TRAPPC9: variants seen among roughly 807,000 people sequenced by gnomAD.
TRAPPC9 encodes trafficking protein particle complex subunit 9, also known as IKK2 binding protein.
In TRAPPC9, 83 loss-of-function variants were observed where a neutral mutation model predicts 124.0. The observed-to-expected ratio is 0.67, with a 90% confidence interval of 0.56 to 0.80. TRAPPC9 has a LOEUF of 0.80. Among genes scored for constraint, TRAPPC9 ranks in the 30% least tolerant of loss-of-function variants. The pLI is 0.00. For synonymous variants in TRAPPC9, 638 were observed against 617.5 expected (o/e 1.03, Z -0.49); for missense variants, 1,302 against 1,508.3 (o/e 0.86, Z 2.27).
intron 21 of TRAPPC9, among the ~76,000 whole-genome samples, chr8:139,845,122 G>A (rs993497175): frequency 3.9e-5 from 6 of 152,222 alleles, no homozygotes; most frequent in Non-Finnish European, 7.3e-5. Flanking sequence ...GGATGATGTC[G>A]CCTTTAAGGA....
At chr8:140,321,670 C>T (rs545241437) in intron 9 of TRAPPC9, among the ~76,000 whole-genome samples, 71 of 152,332 alleles carry the variant, frequency 4.7e-4, no homozygotes, top group Non-Finnish European at 8.4e-4. Context: ...TTGGAAGACA[C>T]TTTCACCGCC....
intron 18 of TRAPPC9, among the ~76,000 whole-genome samples, chr8:139,989,985 A>C (rs1458232931): frequency 6.6e-6 from 1 of 152,196 alleles, no homozygotes; most frequent in African/African-American, 2.4e-5. Context: ...AACTGAGCAG[A>C]GGCCATTCTT....
At chr8:140,449,320 C>G (rs1434610529) in intron 2 of TRAPPC9, among the ~76,000 whole-genome samples, 1 of 152,184 alleles carries the variant, frequency 6.6e-6, no homozygotes, top group Non-Finnish European at 1.5e-5. Context: ...GAGGGAGAGC[C>G]CTGTCCAAGC....
chr8:139,738,468 G>A (rs923459825), intron 21 of TRAPPC9, among the ~76,000 whole-genome samples: 2 of 152,218 alleles, frequency 1.3e-5, no homozygotes, highest in Non-Finnish European at 2.9e-5. Flanking sequence ...ATCGGAGTAG[G>A]CCCAATGGCG....
intron 17 of TRAPPC9, among the ~76,000 whole-genome samples, chr8:140,173,774 G>A (rs1193909906): frequency 6.6e-6 from 1 of 152,110 alleles, no homozygotes; most frequent in Non-Finnish European, 1.5e-5. Context: ...TATTTATCAG[G>A]AAGATTTCAT....
intron 21 of TRAPPC9, among the ~76,000 whole-genome samples, chr8:139,871,762 G>A (rs1828916740): frequency 6.6e-6 from 1 of 152,242 alleles, no homozygotes. Flanking sequence ...CAATTTGCTG[G>A]ATGGGTGAAT....
At chr8:140,047,489 G>A (rs1054351750) in intron 17 of TRAPPC9, among the ~76,000 whole-genome samples, 1 of 152,212 alleles carries the variant, frequency 6.6e-6, no homozygotes, top group Non-Finnish European at 1.5e-5. Context: ...GAGAGGCTGA[G>A]AGAATGGAGA....
chr8:140,362,846 C>T (rs1013676487), intron 8 of TRAPPC9, among the ~76,000 whole-genome samples: 3 of 152,200 alleles, frequency 2.0e-5, no homozygotes, highest in African/African-American at 7.2e-5. Flanking sequence ...GGGCAAATAT[C>T]ACTTTGCTGA....
intron 1 of TRAPPC9, among the ~76,000 whole-genome samples, chr8:140,453,706 C>G (rs1367864207): frequency 2.0e-5 from 3 of 152,222 alleles, no homozygotes; most frequent in African/African-American, 7.2e-5. Flanking sequence ...TGCTCACGCT[C>G]TCAAGGACGA....
rs547946416 is a variant in TRAPPC9 at position 140,002,951 on chromosome 8, C to T, written c.2700-14115G>A. On this transcript the variant is annotated intron_variant, in intron 18 of 22. Transcript: ENST00000438773. ...TGCAAAACAAAACTGTACAATTTTA[C>T]AAGAAAACATAAAAGAAAAAAAAGC... is the stretch of plus-strand genomic sequence containing the variant. Among the ~76,000 whole-genome samples, 32 of 137,234 alleles carry T rather than the reference C, an allele frequency of 2.3e-4. 1 individual carries two copies. The highest frequency in any genetic ancestry group is 1.4e-3 in the Admixed American group (19 of 13,778). The allele number at this position is 137,234 out of a possible 152,430, so 90.0% of individuals were successfully genotyped here.
intron 21 of TRAPPC9, among the ~76,000 whole-genome samples, chr8:139,866,027 T>TG (rs1828511845): frequency 6.6e-6 from 1 of 152,200 alleles, no homozygotes; most frequent in South Asian, 2.1e-4. Context: ...ATGGGGGGCC[T>TG]TCCAGGCTAT....
intron 16 of TRAPPC9, among the ~76,000 whole-genome samples, chr8:140,225,751 G>T (rs917776688): frequency 6.6e-6 from 1 of 152,148 alleles, no homozygotes; most frequent in Non-Finnish European, 1.5e-5. Flanking sequence ...GCCCAAAGGG[G>T]TATTTTTGCC....
chr8:140,032,292 C>CACTG (rs1840544317), intron 17 of TRAPPC9, among the ~76,000 whole-genome samples: 1 of 152,178 alleles, frequency 6.6e-6, no homozygotes, highest in South Asian at 2.1e-4. Flanking sequence ...ACGTCCAGAC[C>CACTG]ACTGTCCTCT....
At chr8:140,456,481 G>A (rs2071670974) in intron 1 of TRAPPC9, among the ~76,000 whole-genome samples, 1 of 151,000 alleles carries the variant, frequency 6.6e-6, no homozygotes, top group African/African-American at 2.4e-5. Context: ...GCAGGTAATC[G>A]AGGCTCAATG....
At chr8:140,401,621 C>T (rs1177188778) in intron 6 of TRAPPC9, among the ~76,000 whole-genome samples, 1 of 148,126 alleles carries the variant, frequency 6.8e-6, no homozygotes, top group Non-Finnish European at 1.5e-5. Context: ...AAAATGAAAT[C>T]ATGAAAAATT....
At chr8:139,900,048 C>T (rs1029495031) in intron 20 of TRAPPC9, among the ~76,000 whole-genome samples, 6 of 152,318 alleles carry the variant, frequency 3.9e-5, no homozygotes, top group South Asian at 2.1e-4. Flanking sequence ...GTCCTCCTCA[C>T]GGTGAAGGTG....
At chr8:140,424,372 A>T (rs1219410949) in intron 5 of TRAPPC9, among the ~76,000 whole-genome samples, 2 of 152,086 alleles carry the variant, frequency 1.3e-5, no homozygotes, top group Middle Eastern at 3.2e-3. Context: ...GATGCCAGGC[A>T]CAGTGGCTCA....
At chr8:140,395,488 A>G (rs2132372103) in intron 7 of TRAPPC9, among the ~76,000 whole-genome samples, 1 of 152,248 alleles carries the variant, frequency 6.6e-6, no homozygotes, top group South Asian at 2.1e-4. Context: ...TGTGTGCTCA[A>G]CTCTCATGCT....
intron 17 of TRAPPC9, among the ~76,000 whole-genome samples, chr8:140,102,236 A>T (rs1028482549): frequency 6.6e-6 from 1 of 152,190 alleles, no homozygotes; most frequent in African/African-American, 2.4e-5. Context: ...TGCTTCTCTC[A>T]AAGTTTGTAA....
Sources: allele counts gnomAD v4.1 joint callset (sites outside exome capture counted in the v4.1 genomes callset), GRCh38; gene constraint gnomAD v4.1.1; transcripts MANE v1.5; gene names NCBI Gene and HGNC (gene_info 2026-07-23, HGNC 2026-07-21).